Variants in ROBO2 observed in about 807,000 individuals in gnomAD.
ROBO2 encodes the protein roundabout guidance receptor 2.
A neutral mutation model predicts 160.8 loss-of-function variants in ROBO2; 53 were observed. The observed-to-expected ratio is 0.33, with a 90% CI of 0.26 to 0.41. The LOEUF is 0.41. Ranked by LOEUF, ROBO2 falls within the 10% of genes least tolerant of loss-of-function variation. The pLI is 1.00. For missense variants in ROBO2, 1,577 were observed against 1,722.4 expected (o/e 0.92, Z 1.49); for synonymous variants, 664 against 611.7 (o/e 1.09, Z -1.26).
intron 11 of ROBO2, chr3:77,564,587 A>T: frequency 2.4e-6 from 1 of 413,830 alleles, no homozygotes; most frequent in Non-Finnish European, 4.6e-6. Flanking sequence ...ATTCTTTTCA[A>T]GGTATATATA....
intron 2 of ROBO2, among the ~76,000 whole-genome samples, chr3:76,162,282 G>A (rs973909082): frequency 6.6e-6 from 1 of 152,016 alleles, no homozygotes; most frequent in Non-Finnish European, 1.5e-5. Flanking sequence ...TAGCCTCTTT[G>A]GCATGAGCAT....
intron 2 of ROBO2, among the ~76,000 whole-genome samples, chr3:77,120,105 A>G (rs2074599614): frequency 6.6e-6 from 1 of 152,210 alleles, no homozygotes; most frequent in African/African-American, 2.4e-5. Flanking sequence ...CTTGATTTCT[A>G]TACTGAAATT....
chr3:76,097,828 TAAA>T (rs1404268402), intron 2 of ROBO2, among the ~76,000 whole-genome samples: 1 of 152,128 alleles, frequency 6.6e-6, no homozygotes, highest in Non-Finnish European at 1.5e-5. Flanking sequence ...AGTAGTAGCT[TAAA>T]AAATGAATGA....
intron 2 of ROBO2, among the ~76,000 whole-genome samples, chr3:77,246,510 C>T (rs6764328): frequency 0.26 from 39,191 of 151,986 alleles, 6,411 homozygotes; most frequent in Non-Finnish European, 0.36. Context: ...CAGGCCAGGT[C>T]TAAACCATTA....
At chr3:76,798,155 A>G (rs1372583785) in intron 2 of ROBO2, among the ~76,000 whole-genome samples, 1 of 149,312 alleles carries the variant, frequency 6.7e-6, no homozygotes, top group Non-Finnish European at 1.5e-5. Flanking sequence ...AGAAAGAAAG[A>G]AAGAAAGAAA....
intron 2 of ROBO2, among the ~76,000 whole-genome samples, chr3:77,025,734 G>A (rs1397585595): frequency 6.6e-6 from 1 of 152,082 alleles, no homozygotes; most frequent in Non-Finnish European, 1.5e-5. Context: ...GTGGCATTTG[G>A]GGAATTACAC....
intron 1 of ROBO2, among the ~76,000 whole-genome samples, chr3:75,927,015 C>T (rs978070021): frequency 2.0e-5 from 3 of 152,108 alleles, no homozygotes; most frequent in Non-Finnish European, 2.9e-5. Context: ...CATTTGAGTA[C>T]GCTCTCTCAG....
At chr3:76,554,136 T>C (rs916411260) in intron 2 of ROBO2, among the ~76,000 whole-genome samples, 3 of 152,212 alleles carry the variant, frequency 2.0e-5, no homozygotes, top group African/African-American at 7.2e-5. Context: ...TTTGGTAGAT[T>C]CATATGAAAA....
chr3:76,869,709 A>G (rs1001010360), intron 2 of ROBO2, among the ~76,000 whole-genome samples: 1 of 152,102 alleles, frequency 6.6e-6, no homozygotes, highest in African/African-American at 2.4e-5. Context: ...AGATTTTAAA[A>G]TCCTTGAACA....
chr3:76,891,137 A>T (rs1341526295), intron 2 of ROBO2, among the ~76,000 whole-genome samples: 1 of 152,066 alleles, frequency 6.6e-6, no homozygotes. Flanking sequence ...TTAATATCGA[A>T]CTATCTTTAC....
intron 2 of ROBO2, among the ~76,000 whole-genome samples, chr3:76,816,608 A>G (rs543288526): frequency 6.6e-5 from 10 of 152,000 alleles, no homozygotes; most frequent in Non-Finnish European, 1.3e-4. Context: ...CCATTAGCCT[A>G]TTAAAAACAA....
chr3:76,278,501 T>C (rs949365914), intron 2 of ROBO2, among the ~76,000 whole-genome samples: 4 of 152,048 alleles, frequency 2.6e-5, no homozygotes, highest in Non-Finnish European at 5.9e-5. Context: ...GTTTCTCTTA[T>C]ACTGAGTTTC....
At chr3:76,603,351 A>AAATATATATAT (rs1553826368) in intron 2 of ROBO2, among the ~76,000 whole-genome samples, 1 of 26,406 alleles carries the variant, frequency 3.8e-5, no homozygotes, top group Non-Finnish European at 5.8e-5. Context: ...AAAAAAAAAA[A>AAATATATATAT]ATATATATAT....
intron 2 of ROBO2, among the ~76,000 whole-genome samples, chr3:77,227,462 A>G (rs1449272135): frequency 6.6e-6 from 1 of 152,232 alleles, no homozygotes; most frequent in Non-Finnish European, 1.5e-5. Flanking sequence ...ACTGCAATGC[A>G]TTTTGACTCC....
At chr3:76,894,402 T>A (rs1433213431) in intron 2 of ROBO2, among the ~76,000 whole-genome samples, 1 of 152,176 alleles carries the variant, frequency 6.6e-6, no homozygotes, top group African/African-American at 2.4e-5. Context: ...TATGTTTTAC[T>A]ATCTTAAATT....
intron 2 of ROBO2, among the ~76,000 whole-genome samples, chr3:77,100,988 G>C (rs1233607863): frequency 6.6e-6 from 1 of 152,180 alleles, no homozygotes; most frequent in Admixed American, 6.5e-5. Flanking sequence ...AGAACTGCCA[G>C]GTGTCTGGAT....
At chr3:77,068,309 GAAAT>G (rs933999199) in intron 1 of ROBO2, among the ~76,000 whole-genome samples, 11 of 152,050 alleles carry the variant, frequency 7.2e-5, no homozygotes, top group Non-Finnish European at 1.6e-4. Context: ...TGTTTGAAAG[GAAAT>G]AAAACTAAGA....
At chr3:76,950,092 T>C in intron 2 of ROBO2, among the ~76,000 whole-genome samples, 1 of 152,208 alleles carries the variant, frequency 6.6e-6, no homozygotes, top group African/African-American at 2.4e-5. Context: ...GCATCTTTTC[T>C]GAACCCTGGG....
At chr3:76,580,317 G>GTTTTTTTTTTGTTTT (rs1402253278) in intron 2 of ROBO2, among the ~76,000 whole-genome samples, 1 of 38,848 alleles carries the variant, frequency 2.6e-5, no homozygotes, top group Non-Finnish European at 6.9e-5. Context: ...CCCAACCCCT[G>GTTTTTTTTTTGTTTT]TTTTTTTTTT....
Sources: gnomAD v4.1 joint callset for allele counts (sites outside exome capture counted in the v4.1 genomes callset) on GRCh38, gnomAD v4.1.1 for gene constraint, MANE v1.5 for transcripts, NCBI Gene and HGNC (gene_info 2026-07-23, HGNC 2026-07-21) for gene names.